The following SLIT2 variants were observed in gnomAD, a reference collection of about 807,000 sequenced individuals.
SLIT2 encodes slit homolog 2 protein.
A neutral mutation model predicts 185.7 loss-of-function variants in SLIT2; 41 were observed. That is an observed-to-expected ratio of 0.22 (90% CI 0.17 to 0.29). The LOEUF is 0.29. Among genes scored for constraint, SLIT2 ranks in the 10% least tolerant of loss-of-function variants. The pLI, the probability that SLIT2 is intolerant of heterozygous loss-of-function variation, is 1.00. For synonymous variants in SLIT2, 693 were observed against 680.2 expected (o/e 1.02, Z -0.29); for missense variants, 1,571 against 1,909.0 (o/e 0.82, Z 3.30).
chr4:20,307,559 C>G (rs529972102), intron 4 of SLIT2, among the ~76,000 whole-genome samples: 1 of 152,194 alleles, frequency 6.6e-6, no homozygotes, highest in East Asian at 1.9e-4. Flanking sequence ...TGGGTTCAGC[C>G]AGTTTCTTAT....
At chr4:20,509,436 A>G (rs1455552172) in intron 9 of SLIT2, among the ~76,000 whole-genome samples, 1 of 152,046 alleles carries the variant, frequency 6.6e-6, no homozygotes, top group Non-Finnish European at 1.5e-5. Flanking sequence ...AGATGAGACC[A>G]CTGCTGTGGA....
intron 4 of SLIT2, among the ~76,000 whole-genome samples, chr4:20,454,609 T>A (rs1041981078): frequency 3.3e-5 from 5 of 152,146 alleles, no homozygotes; most frequent in African/African-American, 1.2e-4. Flanking sequence ...GGTTAAACCA[T>A]GAAGGAAAAT....
At chr4:20,299,142 T>C (rs1716796654) in intron 4 of SLIT2, among the ~76,000 whole-genome samples, 1 of 152,222 alleles carries the variant, frequency 6.6e-6, no homozygotes, top group South Asian at 2.1e-4. Flanking sequence ...AAGCAGGGCC[T>C]GTATGATTTT....
At chr4:20,465,653 G>T (rs1302836778) in intron 4 of SLIT2, among the ~76,000 whole-genome samples, 2 of 152,162 alleles carry the variant, frequency 1.3e-5, no homozygotes, top group Non-Finnish European at 2.9e-5. Flanking sequence ...TTAGCTATTT[G>T]ATGCCCTAGG....
chr4:20,577,769 C>G (rs1171755132), intron 29 of SLIT2, among the ~76,000 whole-genome samples: 1 of 152,174 alleles, frequency 6.6e-6, no homozygotes, highest in African/African-American at 2.4e-5. Flanking sequence ...GTTTCTGTTT[C>G]TATAAATAAA....
chr4:20,483,831 T>C lies in SLIT2; in HGVS notation c.540-2369T>C, dbSNP rs115454224. ...TGTTCACAACTAAATAATTACAATA[T>C]ATAAATTTCCATTATTTCAGAATGG... On this transcript the variant is annotated intron_variant, in intron 6 of 36. Coordinates refer to ENST00000504154, the MANE Select transcript of SLIT2 (RefSeq NM_004787.4). 5.7e-3 allele frequency among the ~76,000 whole-genome samples: 861 copies of C among 152,176 alleles called. 9 individuals carry two copies. Among genetic ancestry groups the C allele is most frequent in the African/African-American group, 0.019 (806 of 41,556 alleles).
chr4:20,559,138 G>A (rs749199385), intron 26 of SLIT2, among the ~76,000 whole-genome samples: 28 of 151,904 alleles, frequency 1.8e-4, no homozygotes, highest in Non-Finnish European at 3.7e-4. Context: ...CTGTTCCAGG[G>A]CCACCAAAAA....
intron 4 of SLIT2, among the ~76,000 whole-genome samples, chr4:20,428,091 A>G (rs1728693615): frequency 6.6e-6 from 1 of 152,236 alleles, no homozygotes; most frequent in South Asian, 2.1e-4. Context: ...AAAGAAGTAG[A>G]TTTAAACCCA....
At chr4:20,593,913 A>T (rs4697171) in intron 30 of SLIT2, among the ~76,000 whole-genome samples, 7,930 of 151,636 alleles carry the variant, frequency 0.052, 349 homozygotes, top group African/African-American at 0.11. Flanking sequence ...ATATACACAC[A>T]TATATATACA....
chr4:20,363,714 A>G (rs1722906633), intron 4 of SLIT2, among the ~76,000 whole-genome samples: 2 of 152,158 alleles, frequency 1.3e-5, no homozygotes, highest in Admixed American at 1.3e-4. Context: ...TTTGGGAATC[A>G]AGGTTATGAA....
chr4:20,596,741 T>C (rs1258547031), intron 32 of SLIT2, 86 bp downstream of exon 32: 2 of 1,333,556 alleles, frequency 1.5e-6, no homozygotes, highest in African/African-American at 2.9e-5. Flanking sequence ...TCTGAATGAT[T>C]GATAGTATGT....
intron 4 of SLIT2, among the ~76,000 whole-genome samples, chr4:20,454,821 C>T (rs1167115055): frequency 6.6e-6 from 1 of 152,040 alleles, no homozygotes; most frequent in African/African-American, 2.4e-5. Context: ...AACTGGAAAC[C>T]ATACGTCGTG....
intron 22 of SLIT2, 58 bp downstream of exon 22, chr4:20,546,157 CAAGGGACAG>C: frequency 1.1e-6 from 1 of 914,562 alleles, no homozygotes. Context: ...ATGGGGATGG[CAAGGGACAG>C]AAGATTTAGT....
At chr4:20,523,303 A>T (rs1475959553) in intron 12 of SLIT2, among the ~76,000 whole-genome samples, 1 of 152,198 alleles carries the variant, frequency 6.6e-6, no homozygotes, top group African/African-American at 2.4e-5. Flanking sequence ...GAGCTGTCGC[A>T]TGGTTCTGAG....
intron 4 of SLIT2, among the ~76,000 whole-genome samples, chr4:20,316,976 A>T (rs528879950): frequency 6.6e-6 from 1 of 151,534 alleles, no homozygotes; most frequent in Non-Finnish European, 1.5e-5. Flanking sequence ...GCAGTATTCT[A>T]TGTGTAAAAC....
In SLIT2 at chr4:20,519,502, G is replaced by A. The variant is rs149506523; in HGVS notation, c.1130+49G>A. ...CTCTCGAGCCTAATAATATATATTA[G>A]CCATTTTGTTGTCTCATATTTTTAT... On this transcript the variant is annotated intron_variant, in intron 12 of 36. Coordinates refer to ENST00000504154, the MANE Select transcript of SLIT2 (RefSeq NM_004787.4). 369 of 1,117,074 alleles carry A rather than the reference G, an allele frequency of 3.3e-4. 2 individuals are homozygous for A. In the Middle Eastern group the frequency reaches 4.2e-3, roughly 13 times the overall value. The allele number at this position is 1,117,074 out of a possible 1,614,324, so 69.2% of individuals were successfully genotyped here.
chr4:20,481,552 T>C (rs1716701942), intron 6 of SLIT2, among the ~76,000 whole-genome samples: 1 of 152,162 alleles, frequency 6.6e-6, no homozygotes, highest in South Asian at 2.1e-4. Context: ...CCTCCACCAA[T>C]TAAAATATTT....
chr4:20,490,684 T>C, intron 8 of SLIT2: 1 of 697,794 alleles, frequency 1.4e-6, no homozygotes, highest in Non-Finnish European at 2.4e-6. Context: ...TTTTGTATAA[T>C]ATCATGGAAT....
chr4:20,351,420 AG>A (rs1721866370), intron 4 of SLIT2, among the ~76,000 whole-genome samples: 1 of 152,286 alleles, frequency 6.6e-6, no homozygotes, highest in African/African-American at 2.4e-5. Context: ...ATAATATATT[AG>A]GACATAGAAA....
Sources: allele counts gnomAD v4.1 joint callset (sites outside exome capture counted in the v4.1 genomes callset), GRCh38; gene constraint gnomAD v4.1.1; transcripts MANE v1.5; gene names NCBI Gene and HGNC (gene_info 2026-07-23, HGNC 2026-07-21).